The following IREB2 variants were observed in gnomAD, a reference collection of about 807,000 sequenced individuals.
IREB2 encodes the protein iron-responsive element-binding protein 2.
In IREB2, 39 loss-of-function variants were observed where a neutral mutation model predicts 118.8. That is an observed-to-expected ratio of 0.33 (90% confidence interval 0.25 to 0.43). The LOEUF (loss-of-function observed/expected upper bound fraction) is 0.43, where lower values mean the gene tolerates loss of function less well. Among genes scored for constraint, IREB2 ranks in the 20% least tolerant of loss-of-function variants. The probability of loss-of-function intolerance (pLI) is 1.00; values close to 1 mark genes in which losing one functional copy is unlikely to be tolerated. For missense variants in IREB2, 900 were observed against 1,147.3 expected, an observed-to-expected ratio of 0.78 and a Z score of 3.11; for synonymous variants, 372 against 392.2, an observed-to-expected ratio of 0.95 and a Z score of 0.61.
chr15:78,450,622 G>A (rs985430250), intron 2 of IREB2, among the ~76,000 whole-genome samples: 4 of 152,186 alleles, frequency 2.6e-5, no homozygotes, highest in Non-Finnish European at 4.4e-5. Flanking sequence ...GGGCCATGTC[G>A]GGGCTTGTAG....
rs546549744 is a variant in IREB2, at chr15:78,499,666, A to G, written c.*1523A>G. On this transcript the variant is annotated 3_prime_UTR_variant, in exon 22 of 22. Transcript: ENST00000258886. ...TTCTTTATTTAAATTTTGTATAAGT[A>G]TTTTCTTCGACACTTTCAAATTATA... 2.0e-5 allele frequency: 3 copies of G among 152,166 alleles called. No individual in the cohort carries two copies. Among genetic ancestry groups the G allele is most frequent in the Admixed American group, 1.3e-4 (2 of 15,274 alleles). The allele number at this position is 152,166 out of a possible 1,614,324, so 9.4% of individuals were successfully genotyped here.
At chr15:78,492,663 A>G (rs867584294) in intron 18 of IREB2, among the ~76,000 whole-genome samples, 2 of 151,538 alleles carry the variant, frequency 1.3e-5, no homozygotes, top group African/African-American at 2.4e-5. Context: ...GGGCTCAAGC[A>G]CTCCTCCTGT....
At chr15:78,447,999 T>C (rs2050960066) in intron 2 of IREB2, among the ~76,000 whole-genome samples, 5 of 152,230 alleles carry the variant, frequency 3.3e-5, no homozygotes, top group Admixed American at 2.6e-4. Flanking sequence ...GCAATTGGTA[T>C]AGAAGGAACT....
intron 5 of IREB2, among the ~76,000 whole-genome samples, chr15:78,469,404 T>C (rs1420701882): frequency 6.6e-6 from 1 of 152,012 alleles, no homozygotes; most frequent in Non-Finnish European, 1.5e-5. Context: ...CTATGAATTA[T>C]TAAAGTAATC....
At chr15:78,442,016 C>G (rs887044232) in intron 2 of IREB2, among the ~76,000 whole-genome samples, 1 of 152,054 alleles carries the variant, frequency 6.6e-6, no homozygotes, top group Non-Finnish European at 1.5e-5. Flanking sequence ...AAGCGATTCT[C>G]GTGCCTTAAC....
rs970128125 is a variant in IREB2 at position 78,499,011 on chromosome 15, A to G, written c.*868A>G. ...CAAAATTTCACACTCATAGTTGCTA[A>G]AGAGAATGTTATTCAATCATTAAAC... is the stretch of plus-strand genomic sequence containing the variant. On this transcript the variant is annotated 3_prime_UTR_variant, in exon 22 of 22. Transcript: ENST00000258886. The G allele has an allele frequency of 2.6e-5, 4 of 152,202 alleles. No individual in the cohort carries two copies. The highest frequency in any genetic ancestry group is 5.9e-5 in the Non-Finnish European group (4 of 68,034). 9.4% of individuals were successfully genotyped at this position (152,202 alleles called of 1,614,324 possible). A position where few individuals can be genotyped will look rare whatever the true frequency, so the allele number is the denominator to read the frequency against.
At chr15:78,461,672 G>A (rs544671682) in intron 2 of IREB2, among the ~76,000 whole-genome samples, 1 of 151,798 alleles carries the variant, frequency 6.6e-6, no homozygotes, top group Non-Finnish European at 1.5e-5. Context: ...CCTCCTCCTC[G>A]CCCCCCTCCA....
intron 2 of IREB2, among the ~76,000 whole-genome samples, chr15:78,445,041 T>C (rs1356789021): frequency 2.0e-5 from 3 of 152,216 alleles, no homozygotes; most frequent in Admixed American, 6.5e-5. Context: ...CTTATCATTA[T>C]ATAGAATTGT....
intron 20 of IREB2, among the ~76,000 whole-genome samples, chr15:78,494,468 G>A (rs2051806200): frequency 6.6e-6 from 1 of 152,152 alleles, no homozygotes. Flanking sequence ...AATACTCTGA[G>A]TTTGGTAAAA....
chr15:78,442,567 A>G (rs1338406194), intron 2 of IREB2, among the ~76,000 whole-genome samples: 1 of 152,232 alleles, frequency 6.6e-6, no homozygotes, highest in Non-Finnish European at 1.5e-5. Context: ...CAGAGTAAAG[A>G]TAGTTGAGAA....
intron 4 of IREB2, 55 bp from the exon 5 acceptor site, chr15:78,466,210 TAAGAGC>T: frequency 8.8e-7 from 1 of 1,140,614 alleles, no homozygotes. Flanking sequence ...CGTTTTTTTT[TAAGAGC>T]TAAATTTGTG....
At chr15:78,475,626 A>C (rs1359736055) in intron 8 of IREB2, 3 of 152,218 alleles carry the variant, frequency 2.0e-5, no homozygotes, top group Admixed American at 2.0e-4. Context: ...CAGGAGCATC[A>C]CTTGAGGCCA....
At chr15:78,478,168 A>G (rs1044618622) in intron 9 of IREB2, 129 bp from the exon 10 acceptor site, 2 of 611,474 alleles carry the variant, frequency 3.3e-6, no homozygotes, top group Non-Finnish European at 5.9e-6. Flanking sequence ...CGGGAGGTCA[A>G]GGTTGCAGTG....
intron 6 of IREB2, chr15:78,471,038 G>C (rs1329964403): frequency 6.6e-6 from 1 of 151,714 alleles, no homozygotes; most frequent in Non-Finnish European, 1.5e-5. Flanking sequence ...TTTTGAGGAA[G>C]AGTCTTGCTA....
At chr15:78,466,084 G>A (rs2051275793) in intron 4 of IREB2, among the ~76,000 whole-genome samples, 187 bp from the exon 5 acceptor site, 1 of 152,038 alleles carries the variant, frequency 6.6e-6, no homozygotes, top group Admixed American at 6.5e-5. Flanking sequence ...AAATTTAAAT[G>A]ACCTGTTTCT....
intron 10 of IREB2, among the ~76,000 whole-genome samples, chr15:78,479,790 A>G (rs891243282): frequency 1.3e-5 from 2 of 152,128 alleles, no homozygotes; most frequent in African/African-American, 4.8e-5. Flanking sequence ...GAGTAGTGGC[A>G]TGCTCCCGTG....
chr15:78,442,799 A>G (rs999724765), intron 2 of IREB2, among the ~76,000 whole-genome samples: 3 of 152,216 alleles, frequency 2.0e-5, no homozygotes, highest in Non-Finnish European at 4.4e-5. Flanking sequence ...ACCTCCAGGC[A>G]TTATGTCCAA....
intron 2 of IREB2, among the ~76,000 whole-genome samples, chr15:78,458,604 A>G (rs1009876687): frequency 6.6e-6 from 1 of 151,924 alleles, no homozygotes; most frequent in East Asian, 1.9e-4. Flanking sequence ...AGGTGCCTTC[A>G]CCACTCACCC....
chr15:78,453,353 C>T (rs1384468234), intron 2 of IREB2, among the ~76,000 whole-genome samples: 5 of 151,814 alleles, frequency 3.3e-5, no homozygotes, highest in Non-Finnish European at 5.9e-5. Context: ...CTGCTTCATT[C>T]GTGTTTAAGG....
Sources: allele counts gnomAD v4.1 joint callset (sites outside exome capture counted in the v4.1 genomes callset), GRCh38; gene constraint gnomAD v4.1.1; transcripts MANE v1.5; gene names NCBI Gene and HGNC (gene_info 2026-07-23, HGNC 2026-07-21).